Variants in OCA2 observed in about 807,000 individuals in gnomAD.
OCA2 encodes the protein P protein.
A neutral mutation model predicts 100.2 loss-of-function variants in OCA2; 77 were observed. That is an observed-to-expected ratio of 0.77 (90% CI 0.64 to 0.93). The LOEUF is 0.93. Ranked by LOEUF, OCA2 falls within the 40% of genes least tolerant of loss-of-function variation. The probability of loss-of-function intolerance (pLI) is 0.00; values close to 1 mark genes in which losing one functional copy is unlikely to be tolerated. For missense variants in OCA2, 1,062 were observed against 1,089.1 expected, an observed-to-expected ratio of 0.98 and a Z score of 0.35; for synonymous variants, 432 against 439.2, an observed-to-expected ratio of 0.98 and a Z score of 0.21.
chr15:28,070,637 C>T (rs1201485380), intron 2 of OCA2, among the ~76,000 whole-genome samples: 15 of 148,850 alleles, frequency 1.0e-4, no homozygotes, highest in East Asian at 6.2e-4. Flanking sequence ...CCCCTCTGCC[C>T]GGCCACCACC....
intron 19 of OCA2, among the ~76,000 whole-genome samples, chr15:27,911,429 G>T (rs553005644): frequency 1.3e-5 from 2 of 152,208 alleles, no homozygotes; most frequent in East Asian, 3.9e-4. Context: ...AAAGAAAAAA[G>T]AAAAGAGAAA....
intron 19 of OCA2, among the ~76,000 whole-genome samples, chr15:27,901,377 G>A (rs971580178): frequency 2.0e-5 from 3 of 152,174 alleles, no homozygotes; most frequent in Non-Finnish European, 4.4e-5. Flanking sequence ...GGGAGACACT[G>A]GCAGGACTTG....
At chr15:27,835,244 A>G (rs997197062) in intron 23 of OCA2, among the ~76,000 whole-genome samples, 1 of 152,226 alleles carries the variant, frequency 6.6e-6, no homozygotes, top group African/African-American at 2.4e-5. Flanking sequence ...GGCAAATAAA[A>G]TGATGCGGCA....
In OCA2 at chr15:28,022,520, T is replaced by A. The variant is rs1202202492; in HGVS notation, c.627A>T (p.Leu209Phe). The change falls in exon 6 of 24, where the codon TTA (leucine) becomes TTT (phenylalanine). Residue 209 changes from leucine (L) to phenylalanine (F), a missense_variant. Physicochemically the swap from Leu to Phe is conservative, Grantham distance 22. Transcript: ENST00000354638. ...GGATACAGTAGTTCTCCAGCGGTGATAAGGCCAACAGCTGCCAGAGCTTTC... is the reference window on the plus strand; with the variant it reads ...GGATACAGTAGTTCTCCAGCGGTGAAAAGGCCAACAGCTGCCAGAGCTTTC... ...DQGKLWQLLA[L>F]SPLENYSVNL... is the part of the protein sequence containing the mutation. 7 of 1,613,626 alleles carry A rather than the reference T, an allele frequency of 4.3e-6. No individual in the cohort carries two copies. The highest frequency in any genetic ancestry group is 5.9e-6 in the Non-Finnish European group (7 of 1,179,676).
intron 23 of OCA2, among the ~76,000 whole-genome samples, chr15:27,764,960 A>G (rs2031140331): frequency 2.0e-5 from 3 of 152,308 alleles, no homozygotes; most frequent in Admixed American, 6.5e-5. Context: ...TTTTGTGTAG[A>G]TATTTCTTGC....
At chr15:27,913,996 A>C (rs1271924249) in intron 19 of OCA2, among the ~76,000 whole-genome samples, 1 of 152,086 alleles carries the variant, frequency 6.6e-6, no homozygotes, top group Non-Finnish European at 1.5e-5. Context: ...CCTCAATAAA[A>C]TACTAGCAAA....
Position 27,990,571 on chromosome 15 carries a change from C to T in OCA2, c.1116+5G>A, listed in dbSNP as rs779182849. 3 of 1,613,688 alleles carry T rather than the reference C, an allele frequency of 1.9e-6. No homozygotes were observed. Among genetic ancestry groups the T allele is most frequent in the African/African-American group, 1.3e-5 (1 of 74,938 alleles). ...AAGCCAGGGATTGGGACTGTGACAA[C>T]TTACATCGCCAATCACAGCCAGTGC... On this transcript the variant is annotated splice_donor_5th_base_variant and intron_variant, in intron 10 of 23. Transcript: ENST00000354638.
At chr15:27,777,038 G>A (rs1333918157) in intron 23 of OCA2, among the ~76,000 whole-genome samples, 2 of 151,984 alleles carry the variant, frequency 1.3e-5, no homozygotes, top group African/African-American at 2.4e-5. Context: ...ACTTTCTCCA[G>A]AGGGAGCTTT....
intron 2 of OCA2, among the ~76,000 whole-genome samples, chr15:28,047,314 T>C (rs2043375460): frequency 6.6e-6 from 1 of 152,178 alleles, no homozygotes; most frequent in Non-Finnish European, 1.5e-5. Flanking sequence ...TTTTAACACC[T>C]AGGAGATATT....
chr15:27,885,597 C>T (rs1026756736), intron 19 of OCA2, among the ~76,000 whole-genome samples: 1 of 152,216 alleles, frequency 6.6e-6, no homozygotes, highest in East Asian at 1.9e-4. Context: ...CATGTGAGAA[C>T]CACTCTCCTC....
chr15:28,069,470 C>G (rs1339841501), intron 2 of OCA2, among the ~76,000 whole-genome samples: 7 of 123,874 alleles, frequency 5.7e-5, no homozygotes, highest in African/African-American at 2.2e-4. Context: ...GGGGCCGAAG[C>G]TGGACTGTAC....
At chr15:27,974,083 G>T (rs753106530) in intron 14 of OCA2, among the ~76,000 whole-genome samples, 2 of 152,088 alleles carry the variant, frequency 1.3e-5, no homozygotes, top group Non-Finnish European at 2.9e-5. Context: ...GAGTCTTGGA[G>T]GAGTCTAGAC....
intron 23 of OCA2, among the ~76,000 whole-genome samples, chr15:27,785,479 G>T (rs916470799): frequency 1.3e-5 from 2 of 152,134 alleles, no homozygotes; most frequent in African/African-American, 4.8e-5. Context: ...CAACATTAAA[G>T]ATACTCAATA....
chr15:27,926,355 T>C, intron 18 of OCA2, 101 bp from the exon 19 acceptor site: 1 of 1,287,700 alleles, frequency 7.8e-7, no homozygotes, highest in South Asian at 1.2e-5. Context: ...AGAATAATTG[T>C]CATACTACAA....
chr15:27,951,819 A>G lies in OCA2; in HGVS notation c.1916T>C (p.Leu639Pro). The G allele has an allele frequency of 6.2e-7, 1 of 1,613,856 alleles. No individual in the cohort carries two copies. The highest frequency in any genetic ancestry group is 8.5e-7 in the Non-Finnish European group (1 of 1,179,728). The change falls in exon 18 of 24, where the codon CTC becomes CCC. Residue 639 changes from leucine to proline, a missense_variant. Coordinates refer to ENST00000354638, the MANE Select transcript of OCA2 (RefSeq NM_000275.3). Reference protein sequence around the residue: ...VLGFVIFMFFLNSFVPGIHLD... With the variant: ...VLGFVIFMFFPNSFVPGIHLD... ...ATGAATGCCAGGGACAAACGAATTG[A>G]GGAAAAACATGAAGATAACAAATCC...
chr15:27,782,676 C>A (rs1346477115), intron 23 of OCA2, among the ~76,000 whole-genome samples: 2 of 152,182 alleles, frequency 1.3e-5, no homozygotes, highest in African/African-American at 2.4e-5. Context: ...CTCCTTAATG[C>A]CCTCATAGTG....
intron 19 of OCA2, among the ~76,000 whole-genome samples, chr15:27,921,524 C>A (rs912120676): frequency 1.3e-5 from 2 of 152,058 alleles, no homozygotes; most frequent in Non-Finnish European, 2.9e-5. Flanking sequence ...AAGATACACA[C>A]AAACACACAC....
intron 2 of OCA2, among the ~76,000 whole-genome samples, chr15:28,038,476 G>A (rs1162316970): frequency 1.3e-5 from 2 of 152,144 alleles, no homozygotes; most frequent in African/African-American, 4.8e-5. Flanking sequence ...GCTTTGCATA[G>A]TGGCCCTATG....
intron 18 of OCA2, among the ~76,000 whole-genome samples, chr15:27,929,825 A>AAATTTTTTTTTTTTTTTTTTTTTTTT (rs71132826): frequency 1.3e-5 from 2 of 149,132 alleles, no homozygotes. Flanking sequence ...CAAATGGGAA[A>AAATTTTTTTTTTTTTTTTTTTTTTTT]TATTTTAAAC....
Sources: gnomAD v4.1 joint callset for allele counts (sites outside exome capture counted in the v4.1 genomes callset) on GRCh38, gnomAD v4.1.1 for gene constraint, MANE v1.5 for transcripts, NCBI Gene and HGNC (gene_info 2026-07-23, HGNC 2026-07-21) for gene names.